The following SEM1 variants were observed in gnomAD, a reference collection of about 807,000 sequenced individuals.
The protein encoded by SEM1 is SEM1 26S proteasome subunit, also known as 26S proteasome complex subunit SEM1.
In SEM1, 3 loss-of-function variants were observed where a neutral mutation model predicts 12.7. The ratio of observed to expected loss-of-function variants is 0.24; its 90% CI spans 0.11 to 0.61. The LOEUF (loss-of-function observed/expected upper bound fraction) is 0.61. SEM1 is among the 20% of genes least tolerant of loss of function. The probability of loss-of-function intolerance (pLI) is 0.88; values close to 1 mark genes in which losing one functional copy is unlikely to be tolerated. For synonymous variants in SEM1, 30 were observed against 27.8 expected (o/e 1.08, Z -0.25); for missense variants, 59 against 81.3 (o/e 0.73, Z 1.06).
intron 2 of SEM1, among the ~76,000 whole-genome samples, chr7:96,626,672 T>C (rs1025281511): frequency 1.3e-5 from 2 of 152,128 alleles, no homozygotes; most frequent in African/African-American, 2.4e-5. Flanking sequence ...CAATGTTTTG[T>C]TGAATTCAAT....
intron 2 of SEM1, among the ~76,000 whole-genome samples, chr7:96,663,540 C>T (rs1789076209): frequency 6.6e-6 from 1 of 152,176 alleles, no homozygotes; most frequent in Non-Finnish European, 1.5e-5. Flanking sequence ...ATAGGAAGAG[C>T]CTCTGCCTGC....
intron 2 of SEM1, among the ~76,000 whole-genome samples, chr7:96,626,635 C>G (rs1808078693): frequency 6.6e-6 from 1 of 151,996 alleles, no homozygotes; most frequent in African/African-American, 2.4e-5. Context: ...AGGATAAATT[C>G]TACTCAGTCA....
At chr7:96,703,288 C>T (rs1361718766) in intron 1 of SEM1, among the ~76,000 whole-genome samples, 4 of 152,062 alleles carry the variant, frequency 2.6e-5, no homozygotes, top group African/African-American at 7.2e-5. Context: ...TGCATCAGTG[C>T]GTTAATTTCC....
At chr7:96,593,042 AT>A (rs1220536761) in intron 2 of SEM1, among the ~76,000 whole-genome samples, 1 of 150,028 alleles carries the variant, frequency 6.7e-6, no homozygotes, top group Non-Finnish European at 1.5e-5. Context: ...TTAAAACGTC[AT>A]TTCTCCAAGT....
chr7:96,532,285 G>A (rs1211749352), intron 2 of SEM1, among the ~76,000 whole-genome samples: 1 of 151,906 alleles, frequency 6.6e-6, no homozygotes, highest in African/African-American at 2.4e-5. Context: ...ACATTGCCAA[G>A]GCAATATAAA....
intron 2 of SEM1, among the ~76,000 whole-genome samples, chr7:96,626,088 A>T (rs1808054113): frequency 6.6e-6 from 1 of 151,792 alleles, no homozygotes; most frequent in Non-Finnish European, 1.5e-5. Flanking sequence ...TCACCCTGTT[A>T]TGTTATCAAA....
intron 2 of SEM1, among the ~76,000 whole-genome samples, chr7:96,606,351 C>T (rs1051241257): frequency 6.6e-6 from 1 of 152,082 alleles, no homozygotes; most frequent in Non-Finnish European, 1.5e-5. Flanking sequence ...AAATACTGCT[C>T]AGATTCTATT....
chr7:96,691,103 G>A (rs961819629), intron 2 of SEM1, among the ~76,000 whole-genome samples: 5 of 152,082 alleles, frequency 3.3e-5, no homozygotes, highest in African/African-American at 9.7e-5. Context: ...TATGTAAGAC[G>A]TGAAATAGGG....
At chr7:96,542,144 A>T (rs1804976897) in intron 2 of SEM1, among the ~76,000 whole-genome samples, 1 of 151,704 alleles carries the variant, frequency 6.6e-6, no homozygotes, top group South Asian at 2.1e-4. Context: ...GAAAAATTAC[A>T]TTGGTAGTTT....
chr7:96,608,780 T>A (rs557947648), intron 2 of SEM1, among the ~76,000 whole-genome samples: 1 of 152,352 alleles, frequency 6.6e-6, no homozygotes, highest in Non-Finnish European at 1.5e-5. Flanking sequence ...AGAATAATAT[T>A]CCATAGTATG....
intron 2 of SEM1, among the ~76,000 whole-genome samples, chr7:96,644,974 GTTT>G (rs901000107): frequency 1.5e-4 from 23 of 151,902 alleles, no homozygotes; most frequent in Admixed American, 4.6e-4. Flanking sequence ...TTATATTGAG[GTTT>G]TTATTATAAA....
intron 2 of SEM1, among the ~76,000 whole-genome samples, chr7:96,531,869 A>G (rs1007111615): frequency 6.6e-6 from 1 of 152,144 alleles, no homozygotes; most frequent in Non-Finnish European, 1.5e-5. Flanking sequence ...GAATCAAGGT[A>G]CTATTTAGTT....
At chr7:96,622,479 T>C (rs1172050415), downstream of SEM1, 1 of 611,294 alleles carries the variant, frequency 1.6e-6, no homozygotes, top group Non-Finnish European at 2.9e-6. Context: ...TAAATAGTAG[T>C]AGTATTTTCC....
At chr7:96,551,705 CAAAAAAA>C (rs56316029) in intron 2 of SEM1, among the ~76,000 whole-genome samples, 1 of 84,078 alleles carries the variant, frequency 1.2e-5, no homozygotes, top group South Asian at 4.0e-4. Flanking sequence ...GACTCTGTCT[CAAAAAAA>C]AAAAAAAAAA....
At chr7:96,610,837 A>G (rs1230825199) in intron 2 of SEM1, among the ~76,000 whole-genome samples, 1 of 152,208 alleles carries the variant, frequency 6.6e-6, no homozygotes, top group African/African-American at 2.4e-5. Flanking sequence ...GAAGGAGTTC[A>G]GGACATATCA....
At chr7:96,655,650 C>CA (rs1416093411) in intron 2 of SEM1, among the ~76,000 whole-genome samples, 2 of 152,042 alleles carry the variant, frequency 1.3e-5, no homozygotes, top group African/African-American at 4.8e-5. Flanking sequence ...GAACTAACAC[C>CA]ATTATCATGA....
intron 2 of SEM1, among the ~76,000 whole-genome samples, chr7:96,512,198 A>G (rs1290440770): frequency 6.6e-6 from 1 of 152,030 alleles, no homozygotes; most frequent in Non-Finnish European, 1.5e-5. Flanking sequence ...CATATCAGGA[A>G]AATTAATTGA....
chr7:96,497,119 A>C (rs1394161881), upstream of SEM1, among the ~76,000 whole-genome samples: 2 of 152,130 alleles, frequency 1.3e-5, no homozygotes, highest in African/African-American at 4.8e-5. Context: ...CATAATAAAA[A>C]TTAAACCTTG....
At chr7:96,534,454 A>C (rs1023099466) in intron 2 of SEM1, among the ~76,000 whole-genome samples, 18 of 152,098 alleles carry the variant, frequency 1.2e-4, no homozygotes, top group Non-Finnish European at 2.6e-4. Flanking sequence ...ATGATGTTAC[A>C]AAATCAGACA....
Sources: allele counts gnomAD v4.1 joint callset (sites outside exome capture counted in the v4.1 genomes callset), GRCh38; gene constraint gnomAD v4.1.1; transcripts MANE v1.5; gene names NCBI Gene and HGNC (gene_info 2026-07-23, HGNC 2026-07-21).